Variants in CERT1 observed in about 807,000 individuals in gnomAD.
CERT1 encodes the protein ceramide transfer protein.
CERT1 carries 31 observed loss-of-function variants against 87.9 expected under a neutral mutation model. The observed-to-expected ratio is 0.35, with a 90% CI of 0.27 to 0.48. The LOEUF (loss-of-function observed/expected upper bound fraction) is 0.48. Ranked by LOEUF, CERT1 falls within the 20% of genes least tolerant of loss-of-function variation. The pLI is 0.99. For synonymous variants in CERT1, 289 were observed against 250.9 expected, an observed-to-expected ratio of 1.15 and a Z score of -1.44; for missense variants, 487 against 758.0, an observed-to-expected ratio of 0.64 and a Z score of 4.20.
At chr5:75,500,645 T>G (rs546777929) in intron 2 of CERT1, among the ~76,000 whole-genome samples, 1 of 152,314 alleles carries the variant, frequency 6.6e-6, no homozygotes, top group East Asian at 1.9e-4. Flanking sequence ...AACTAGTTTC[T>G]TATCTAGTGC....
At position 75,381,346 on chromosome 5, in the gene CERT1, AG is replaced by A. The variant is rs1761577264; in HGVS notation, c.1618-146del. On this transcript the variant is annotated intron_variant, in intron 15 of 16. Coordinates refer to ENST00000643780, the MANE Select transcript of CERT1 (RefSeq NM_001379029.1). ...ATAAGCACCAAGCTGATATGACACC[AG>A]GATTCCTCCCCACCCACTTTTTCTG... is the stretch of plus-strand genomic sequence containing the variant. The A allele has an allele frequency of 5.6e-6, 5 of 891,274 alleles. No individual in the cohort carries two copies. The Admixed American group carries it at 1.2e-4, about 21-fold the overall frequency. The allele number at this position is 891,274 out of a possible 1,614,324, so 55.2% of individuals were successfully genotyped here.
intron 14 of CERT1, among the ~76,000 whole-genome samples, chr5:75,382,670 C>A (rs1225596513): frequency 6.6e-6 from 1 of 151,418 alleles, no homozygotes; most frequent in Non-Finnish European, 1.5e-5. Flanking sequence ...GAAAAAAAAC[C>A]TTTTATCCTA....
intron 7 of CERT1, among the ~76,000 whole-genome samples, chr5:75,411,759 T>G (rs1762943026): frequency 6.6e-6 from 1 of 152,186 alleles, no homozygotes; most frequent in Admixed American, 6.5e-5. Flanking sequence ...CTATACATTC[T>G]TATACTTCCC....
intron 14 of CERT1, 60 bp from the exon 15 acceptor site, chr5:75,382,137 G>GT (rs1561221345): frequency 1.3e-6 from 2 of 1,500,226 alleles, no homozygotes; most frequent in African/African-American, 2.8e-5. Flanking sequence ...CAAGAGAAAC[G>GT]TAATGCCAAT....
intron 12 of CERT1, among the ~76,000 whole-genome samples, chr5:75,388,024 A>G (rs1429755291): frequency 6.6e-6 from 1 of 152,118 alleles, no homozygotes; most frequent in Non-Finnish European, 1.5e-5. Flanking sequence ...AACGATGACT[A>G]CAGAAGAAGA....
intron 3 of CERT1, among the ~76,000 whole-genome samples, chr5:75,446,760 T>C (rs1764555763): frequency 6.6e-6 from 1 of 152,244 alleles, no homozygotes; most frequent in Non-Finnish European, 1.5e-5. Context: ...GCCCTGCACC[T>C]TTCCCTGAGC....
chr5:75,416,546 C>A (rs1363638300), intron 7 of CERT1, among the ~76,000 whole-genome samples: 1 of 152,090 alleles, frequency 6.6e-6, no homozygotes, highest in Non-Finnish European at 1.5e-5. Flanking sequence ...AGTTCATATG[C>A]CTTAAATGCA....
At chr5:75,436,328 C>T (rs1221029357) in intron 3 of CERT1, among the ~76,000 whole-genome samples, 1 of 152,170 alleles carries the variant, frequency 6.6e-6, no homozygotes, top group East Asian at 1.9e-4. Flanking sequence ...CCACTGCACT[C>T]GGCCACCTGT....
At chr5:75,456,117 G>C (rs1359628229) in intron 3 of CERT1, among the ~76,000 whole-genome samples, 1 of 151,918 alleles carries the variant, frequency 6.6e-6, no homozygotes, top group Admixed American at 6.6e-5. Context: ...ACTGAAGAAT[G>C]AATCAAGAAA....
At chr5:75,369,562 C>T (rs527571967) in intron 17 of CERT1, 14 of 152,196 alleles carry the variant, frequency 9.2e-5, no homozygotes, top group Admixed American at 2.6e-4. Flanking sequence ...GTAACCCCAA[C>T]CTGTTCCCTC....
chr5:75,453,517 C>G (rs1443122896), intron 3 of CERT1, among the ~76,000 whole-genome samples: 1 of 152,066 alleles, frequency 6.6e-6, no homozygotes, highest in Non-Finnish European at 1.5e-5. Flanking sequence ...TGCTTCCTGG[C>G]CAAAAGCCCT....
At chr5:75,387,369 T>C (rs935968119) in intron 12 of CERT1, among the ~76,000 whole-genome samples, 2 of 152,180 alleles carry the variant, frequency 1.3e-5, no homozygotes, top group African/African-American at 4.8e-5. Flanking sequence ...TAGGTAGGCT[T>C]TCATCACTTT....
exon 18 of CERT1, chr5:75,368,517 CAGT>C (rs1323304680): frequency 6.6e-6 from 1 of 152,214 alleles, no homozygotes; most frequent in Non-Finnish European, 1.5e-5. Context: ...TTTATTTCCT[CAGT>C]GGTCATTCTG....
At chr5:75,373,863 A>G (rs1761175446), downstream of CERT1, 2 of 383,828 alleles carry the variant, frequency 5.2e-6, no homozygotes, top group Admixed American at 4.5e-5. Context: ...AAATTCTGAA[A>G]AAGTATCCAA....
chr5:75,500,364 T>C (rs781552333), intron 2 of CERT1, among the ~76,000 whole-genome samples: 2 of 152,184 alleles, frequency 1.3e-5, no homozygotes, highest in Non-Finnish European at 2.9e-5. Flanking sequence ...CTGTAAGTTA[T>C]TTCCACATTC....
intron 2 of CERT1, among the ~76,000 whole-genome samples, chr5:75,469,300 A>T (rs1765609251): frequency 6.6e-6 from 1 of 152,186 alleles, no homozygotes; most frequent in East Asian, 1.9e-4. Context: ...AATAAAAGAA[A>T]GCTTACGGAA....
chr5:75,444,528 G>A (rs1266424902), intron 3 of CERT1, among the ~76,000 whole-genome samples: 2 of 147,636 alleles, frequency 1.4e-5, no homozygotes, highest in Non-Finnish European at 3.0e-5. Context: ...TCACTGTTTA[G>A]TTGATTTTGC....
At chr5:75,473,980 C>T (rs992134272) in intron 2 of CERT1, among the ~76,000 whole-genome samples, 2 of 152,118 alleles carry the variant, frequency 1.3e-5, no homozygotes, top group Non-Finnish European at 2.9e-5. Flanking sequence ...TACTCAGTAC[C>T]TGTTCTAAGA....
At chr5:75,436,974 C>T (rs983636975) in intron 3 of CERT1, among the ~76,000 whole-genome samples, 4 of 151,952 alleles carry the variant, frequency 2.6e-5, no homozygotes, top group South Asian at 2.1e-4. Context: ...TTTTTAAAGA[C>T]GGGGTCTTAT....
Sources: gnomAD v4.1 joint callset for allele counts (sites outside exome capture counted in the v4.1 genomes callset) on GRCh38, gnomAD v4.1.1 for gene constraint, MANE v1.5 for transcripts, NCBI Gene and HGNC (gene_info 2026-07-23, HGNC 2026-07-21) for gene names.